DYNC2H1: variants seen among roughly 807,000 people sequenced by gnomAD.
The protein encoded by DYNC2H1 is cytoplasmic dynein 2 heavy chain 1.
In DYNC2H1, 410 loss-of-function variants were observed where a neutral mutation model predicts 570.0. The ratio of observed to expected loss-of-function variants is 0.72; its 90% CI spans 0.66 to 0.78. The LOEUF is 0.78. Ranked by LOEUF, DYNC2H1 falls within the 30% of genes least tolerant of loss-of-function variation. The probability of loss-of-function intolerance (pLI) is 0.00; values close to 1 mark genes in which losing one functional copy is unlikely to be tolerated. For missense variants in DYNC2H1, 4,865 were observed against 5,046.4 expected (o/e 0.96, Z 1.09); for synonymous variants, 1,688 against 1,677.6 (o/e 1.01, Z -0.15).
intron 40 of DYNC2H1, among the ~76,000 whole-genome samples, chr11:103,184,445 T>C (rs1861983331): frequency 6.6e-6 from 1 of 151,944 alleles, no homozygotes. Flanking sequence ...TCCAGAAGTT[T>C]CATTTAAAAA....
Position 103,185,155 on chromosome 11 carries a change from A to G in DYNC2H1, c.6633+104A>G. On this transcript the variant is annotated intron_variant, in intron 41 of 88. Coordinates refer to ENST00000375735, the MANE Select transcript of DYNC2H1 (RefSeq NM_001377.3). This position sits in a 1 kb window ranked among gnomAD's most constrained non-coding sequence, Gnocchi z 4.5. ...GTAACTGTAAGATATGGAACTTTTA[A>G]AATTTGAAATTATGTATTCAATTGA... is the stretch of plus-strand genomic sequence containing the variant. The G allele has an allele frequency of 9.6e-7, 1 of 1,043,284 alleles. No individual in the cohort carries two copies. Among genetic ancestry groups the G allele is most frequent in the Admixed American group, 3.0e-5 (1 of 33,062 alleles). The allele number at this position is 1,043,284 out of a possible 1,614,324, so 64.6% of individuals were successfully genotyped here. A position where few individuals can be genotyped will look rare whatever the true frequency, so the allele number is the denominator to read the frequency against.
rs781360805 is a variant in DYNC2H1 at position 103,358,216 on chromosome 11, G to A, written c.12040-27G>A. Reference sequence around the variant, plus strand: ...TGTTCGGCTGAAGTTCTTTTTATTTGTTGATACTTATTATTTTTTTATTCA... The same window carrying A: ...TGTTCGGCTGAAGTTCTTTTTATTTATTGATACTTATTATTTTTTTATTCA... On this transcript the variant is annotated intron_variant, in intron 82 of 88. Transcript: ENST00000375735. 5 of 1,339,804 alleles carry A rather than the reference G, an allele frequency of 3.7e-6. No individual in the cohort carries two copies. The African/African-American group carries it at 7.3e-5, about 20-fold the overall frequency. 83.0% of individuals were successfully genotyped at this position (1,339,804 alleles called of 1,614,324 possible).
Position 103,464,906 on chromosome 11 carries a change from T to G in DYNC2H1, c.12649-3683T>G, listed in dbSNP as rs182632187. On this transcript the variant is annotated intron_variant, in intron 87 of 88. Transcript: ENST00000375735. ...AACAAAATAATTTTAGTGTGTAATT[T>G]AACTTAAATTTAAGTAGCTTAAATA... Among the ~76,000 whole-genome samples the G allele has an allele frequency of 1.4e-4, 22 of 152,320 alleles. 1 individual carries two copies. In the East Asian group the frequency reaches 4.2e-3, roughly 29 times the overall value.
intron 70 of DYNC2H1, among the ~76,000 whole-genome samples, chr11:103,273,380 A>T (rs749520738): frequency 4.6e-4 from 70 of 151,852 alleles, no homozygotes; most frequent in Non-Finnish European, 4.3e-4. Flanking sequence ...GTAGAGATGG[A>T]ATTTCACCAT....
intron 83 of DYNC2H1, among the ~76,000 whole-genome samples, chr11:103,389,534 A>C (rs1004981394): frequency 9.9e-5 from 15 of 151,852 alleles, no homozygotes; most frequent in African/African-American, 3.6e-4. Flanking sequence ...TCTTGCTTTC[A>C]GCTAGCTGTT....
intron 59 of DYNC2H1, among the ~76,000 whole-genome samples, chr11:103,225,858 C>G (rs913487439): frequency 2.0e-5 from 3 of 152,090 alleles, no homozygotes; most frequent in African/African-American, 7.2e-5. Context: ...GTCATTTTCA[C>G]AATATCGATT....
intron 85 of DYNC2H1, among the ~76,000 whole-genome samples, chr11:103,438,554 TAA>T (rs1249202507): frequency 6.6e-6 from 1 of 152,182 alleles, no homozygotes; most frequent in Non-Finnish European, 1.5e-5. Flanking sequence ...AGCTATAGTT[TAA>T]GATTTTAGGG....
chr11:103,431,229 A>AAAAAG (rs1943880238), intron 84 of DYNC2H1, among the ~76,000 whole-genome samples: 1 of 151,616 alleles, frequency 6.6e-6, no homozygotes, highest in Non-Finnish European at 1.5e-5. Context: ...AAAAAAAAAA[A>AAAAAG]AAAACTAAAA....
intron 83 of DYNC2H1, among the ~76,000 whole-genome samples, chr11:103,398,054 A>C (rs961355757): frequency 6.6e-6 from 1 of 152,220 alleles, no homozygotes; most frequent in Non-Finnish European, 1.5e-5. Context: ...AAATCCACAA[A>C]ATATACTTTG....
At chr11:103,258,841 A>G (rs1302337113) in intron 69 of DYNC2H1, among the ~76,000 whole-genome samples, 2 of 152,214 alleles carry the variant, frequency 1.3e-5, no homozygotes, top group Non-Finnish European at 2.9e-5. Context: ...TGGATCTTGT[A>G]GGTACAGTAC....
intron 78 of DYNC2H1, 127 bp downstream of exon 78, chr11:103,307,958 A>G (rs1364384822): frequency 6.7e-6 from 3 of 447,200 alleles, no homozygotes; most frequent in Admixed American, 4.0e-5. Flanking sequence ...TGAGGTATAC[A>G]TAGATAATAG....
intron 83 of DYNC2H1, among the ~76,000 whole-genome samples, chr11:103,360,247 G>A (rs1329651644): frequency 6.6e-6 from 1 of 152,048 alleles, no homozygotes; most frequent in Non-Finnish European, 1.5e-5. Flanking sequence ...AATTAATAAT[G>A]CAGTTAAATA....
At chr11:103,383,400 T>A (rs552111672) in intron 83 of DYNC2H1, among the ~76,000 whole-genome samples, 2 of 152,202 alleles carry the variant, frequency 1.3e-5, no homozygotes, top group South Asian at 4.2e-4. Flanking sequence ...TGCACGTCCT[T>A]TATTGGTTTT....
chr11:103,257,559 A>G, intron 68 of DYNC2H1, 49 bp from the exon 69 acceptor site: 1 of 1,526,702 alleles, frequency 6.6e-7, no homozygotes, highest in Non-Finnish European at 8.8e-7. Context: ...GTAAAGCACT[A>G]ATTCTAAGGT....
chr11:103,324,221 T>C lies in DYNC2H1; in HGVS notation c.12039+231T>C, dbSNP rs313391. The stretch of plus-strand genomic sequence containing the variant: ...AGGGGAAATGTGCAGATTTGTTACA[T>C]AGGTAAATTGTGTGTCGTAAGGGTT... On this transcript the variant is annotated intron_variant, in intron 82 of 88. Transcript: ENST00000375735. This position sits in a 1 kb window ranked among gnomAD's most constrained non-coding sequence, Gnocchi z 5.2. Among the ~76,000 whole-genome samples the C allele has an allele frequency of 0.62, 94,906 of 151,956 alleles. 29,634 individuals are homozygous for C. The highest frequency in any genetic ancestry group is 0.71 in the East Asian group (3,662 of 5,172).
In DYNC2H1 at chr11:103,179,124, A is replaced by C. The variant is rs552149023; in HGVS notation, c.6238A>C (p.Ser2080Arg). The change falls in exon 39 of 89, where the codon AGT (serine) becomes CGT (arginine). Residue 2080 changes from serine to arginine, a missense_variant. Around this residue, in one of 5 missense-constraint regions of DYNC2H1, gnomAD observed 231 missense variants for 310.3 expected, o/e 0.74. Transcript: ENST00000375735. The stretch of plus-strand genomic sequence containing the variant: ...TGATAATCGACTGCTGACTATGCCC[A>C]GTGGAGAAAGGATTCAGTTTGGCCC... The part of the protein sequence containing the change: ...LDDNRLLTMP[S>R]GERIQFGPNV... The C allele has an allele frequency of 6.2e-7, 1 of 1,613,264 alleles. No homozygotes were observed. Among genetic ancestry groups the C allele is most frequent in the Non-Finnish European group, 8.5e-7 (1 of 1,179,414 alleles).
intron 59 of DYNC2H1, among the ~76,000 whole-genome samples, chr11:103,226,337 T>C (rs577595063): frequency 6.6e-6 from 1 of 152,314 alleles, no homozygotes; most frequent in South Asian, 2.1e-4. Flanking sequence ...TTCAGTATAA[T>C]GTTGGCTGTG....
Position 103,305,670 on chromosome 11 carries a change from C to A in DYNC2H1, c.11382+950C>A, listed in dbSNP as rs545888965. ...GCCCTAGGTGTGAGGTATTAAAAAT[C>A]TCTGCAGTCCTAATTAATTGGCAAC... On this transcript the variant is annotated intron_variant, in intron 77 of 88. Transcript: ENST00000375735. This position sits in a 1 kb window ranked among gnomAD's most constrained non-coding sequence, Gnocchi z 4.3. Among the ~76,000 whole-genome samples, 18 of 151,988 alleles carry A rather than the reference C, an allele frequency of 1.2e-4. No homozygotes were observed. In the South Asian group the frequency reaches 3.5e-3, roughly 30 times the overall value.
At chr11:103,223,808 C>T (rs1358769616) in intron 59 of DYNC2H1, among the ~76,000 whole-genome samples, 3 of 146,588 alleles carry the variant, frequency 2.0e-5, no homozygotes, top group South Asian at 2.2e-4. Context: ...AGTGCAGTGG[C>T]GCGATCTCAG....
Sources: allele counts gnomAD v4.1 joint callset (sites outside exome capture counted in the v4.1 genomes callset), GRCh38; gene constraint gnomAD v4.1.1; regional missense constraint gnomAD v4.1.1; non-coding constraint Gnocchi (gnomAD v3.1); transcripts MANE v1.5; gene names NCBI Gene and HGNC (gene_info 2026-07-23, HGNC 2026-07-21).